TMX3: variants seen among roughly 807,000 people sequenced by gnomAD.
TMX3 encodes thioredoxin related transmembrane protein 3.
A neutral mutation model predicts 64.4 loss-of-function variants in TMX3; 40 were observed. That is an observed-to-expected ratio of 0.62 (90% CI 0.48 to 0.81). The LOEUF is 0.81. TMX3 is among the 30% of genes least tolerant of loss of function. TMX3 has a pLI of 0.00. For synonymous variants in TMX3, 189 were observed against 175.7 expected, an observed-to-expected ratio of 1.08 and a Z score of -0.60; for missense variants, 497 against 534.5, an observed-to-expected ratio of 0.93 and a Z score of 0.69.
At chr18:68,699,343 T>C (rs544858200) in intron 6 of TMX3, among the ~76,000 whole-genome samples, 26 of 152,230 alleles carry the variant, frequency 1.7e-4, no homozygotes, top group Non-Finnish European at 2.4e-4. Flanking sequence ...TAATGACTAA[T>C]ATAAATCCTG....
chr18:68,674,584 G>A lies in TMX3; in HGVS notation c.*2349C>T, dbSNP rs1339117554. ...ACTAGATTCACTTATTAAGAGATCTGTCTTTATATGGAAGTAATGTTTCAC... is the reference window on the plus strand; with the variant it reads ...ACTAGATTCACTTATTAAGAGATCTATCTTTATATGGAAGTAATGTTTCAC... On this transcript the variant is annotated 3_prime_UTR_variant, in exon 16 of 16. Transcript: ENST00000299608. The A allele has an allele frequency of 6.6e-6, 1 of 152,074 alleles. No individual in the cohort carries two copies. Among genetic ancestry groups the A allele is most frequent in the African/African-American group, 2.4e-5 (1 of 41,414 alleles). 9.4% of individuals were successfully genotyped at this position (152,074 alleles called of 1,614,324 possible). A position where few individuals can be genotyped will look rare whatever the true frequency, so the allele number is the denominator to read the frequency against.
At chr18:68,708,045 GTATATATA>G (rs59501873) in intron 4 of TMX3, among the ~76,000 whole-genome samples, 2 of 125,978 alleles carry the variant, frequency 1.6e-5, no homozygotes, top group African/African-American at 9.9e-5. Flanking sequence ...GTATATATGT[GTATATATA>G]TGTGTATATA....
chr18:68,698,022 A>C lies in TMX3; in HGVS notation c.402T>G (p.Ile134Met). 2 of 1,610,518 alleles carry C rather than the reference A, an allele frequency of 1.2e-6. No individual in the cohort carries two copies. The highest frequency in any genetic ancestry group is 8.5e-7 in the Non-Finnish European group (1 of 1,179,098). ...ACATTTGTTGACTTGGAAGTGGCCG[A>C]ATTAGAGCCCTGTTGCACAACAAAA... ...EFAHRVSGAL[I>M]RPLPSQQMFE... Residue 134 changes from isoleucine (I) to methionine (M), a missense_variant, in exon 7 of 16, where the codon ATT (isoleucine) becomes ATG (methionine). By Grantham distance (10) the Ile-to-Met change is conservative. Around this residue, in one of 3 missense-constraint regions of TMX3, gnomAD observed 360 missense variants for 383.5 expected, o/e 0.94. Transcript: ENST00000299608.
chr18:68,677,013 G>C lies in TMX3; in HGVS notation c.1285C>G (p.Gln429Glu). The change falls in exon 16 of 16, where the codon CAG becomes GAG. Residue 429 changes from glutamine (Q) to glutamate (E), a missense_variant. Physicochemically the swap from Gln to Glu is conservative, Grantham distance 29 (BLOSUM62 2). Transcript: ENST00000299608. Reference protein sequence around the residue: ...NQEQIEESKEQQEPSSGGSVV... With the variant: ...NQEQIEESKEEQEPSSGGSVV... ...GATCCTCCACTGCTGGGCTCCTGCT[G>C]TTCTTTGCTCTCTTCTATCTGTTCT... is the stretch of plus-strand genomic sequence containing the variant. The C allele has an allele frequency of 1.9e-6, 3 of 1,613,778 alleles. No individual in the cohort carries two copies. The highest frequency in any genetic ancestry group is 2.5e-6 in the Non-Finnish European group (3 of 1,179,822).
intron 12 of TMX3, among the ~76,000 whole-genome samples, chr18:68,683,778 T>G (rs1913675898): frequency 6.6e-6 from 1 of 152,166 alleles, no homozygotes; most frequent in Admixed American, 6.5e-5. Context: ...AGATTCACTT[T>G]CTGTGGTTTC....
intron 4 of TMX3, among the ~76,000 whole-genome samples, chr18:68,709,031 T>C (rs142509343): frequency 6.6e-6 from 1 of 152,256 alleles, no homozygotes; most frequent in East Asian, 1.9e-4. Flanking sequence ...ATTACGTACT[T>C]CCACTTTCTT....
intron 10 of TMX3, among the ~76,000 whole-genome samples, 155 bp from the exon 11 acceptor site, chr18:68,684,640 GTA>G (rs1190180903): frequency 1.3e-5 from 2 of 152,050 alleles, no homozygotes; most frequent in Non-Finnish European, 2.9e-5. Context: ...ACACATTACG[GTA>G]TATGTTTGTA....
intron 15 of TMX3, 85 bp from the exon 16 acceptor site, chr18:68,677,278 T>C: frequency 2.1e-6 from 3 of 1,425,154 alleles, no homozygotes; most frequent in Non-Finnish European, 2.8e-6. Context: ...CCACTATAGA[T>C]TTCTCTTGTT....
intron 10 of TMX3, among the ~76,000 whole-genome samples, chr18:68,686,079 T>G (rs929541999): frequency 1.3e-5 from 2 of 151,660 alleles, no homozygotes; most frequent in Non-Finnish European, 2.9e-5. Flanking sequence ...AGGCTGGAGG[T>G]GTAGGCAAGA....
chr18:68,707,208 T>TC (rs2030760027), intron 4 of TMX3, among the ~76,000 whole-genome samples: 1 of 151,650 alleles, frequency 6.6e-6, no homozygotes, highest in African/African-American at 2.4e-5. Flanking sequence ...TTTTTTTTTT[T>TC]CAATTAACTA....
chr18:68,713,829 T>C lies in TMX3; in HGVS notation c.101+17A>G, dbSNP rs1430808025. On this transcript the variant is annotated intron_variant, in intron 2 of 15. Coordinates refer to ENST00000299608, the MANE Select transcript of TMX3 (RefSeq NM_019022.5). ...GACAGTTAAAATAATATTTTAAATATATATATGTATACTCACGATTCATCT... is the reference window on the plus strand; with the variant it reads ...GACAGTTAAAATAATATTTTAAATACATATATGTATACTCACGATTCATCT... The C allele has an allele frequency of 8.7e-6, 11 of 1,269,522 alleles. No individual in the cohort carries two copies. The highest frequency in any genetic ancestry group is 1.2e-5 in the Non-Finnish European group (11 of 923,122). The allele number at this position is 1,269,522 out of a possible 1,614,324, so 78.6% of individuals were successfully genotyped here.
At chr18:68,681,337 A>T in intron 13 of TMX3, 1 of 603,722 alleles carries the variant, frequency 1.7e-6, no homozygotes, top group Non-Finnish European at 2.2e-6. Flanking sequence ...ATTCATCTTT[A>T]AGTCTTTTCA....
rs1393677772 is a variant in TMX3 at position 68,674,178 on chromosome 18, A to C, written c.*2755T>G. ...ACTTGGCATTTAAATGTTATTTCTAAATCAGATACCAGGAAGCAACTATGT... is the reference window on the plus strand; with the variant it reads ...ACTTGGCATTTAAATGTTATTTCTACATCAGATACCAGGAAGCAACTATGT... On this transcript the variant is annotated 3_prime_UTR_variant, in exon 16 of 16. Transcript: ENST00000299608. The C allele has an allele frequency of 6.6e-6, 1 of 152,186 alleles. No individual in the cohort carries two copies. Among genetic ancestry groups the C allele is most frequent in the East Asian group, 1.9e-4 (1 of 5,206 alleles). The allele number at this position is 152,186 out of a possible 1,614,324, so 9.4% of individuals were successfully genotyped here. A position where few individuals can be genotyped will look rare whatever the true frequency, so the allele number is the denominator to read the frequency against.
chr18:68,682,656 G>C (rs374082329), intron 13 of TMX3, among the ~76,000 whole-genome samples: 1 of 151,234 alleles, frequency 6.6e-6, no homozygotes, highest in Non-Finnish European at 1.5e-5. Context: ...AAATTTACAC[G>C]TTTTGGAATA....
chr18:68,698,884 T>TGGTAGCAGGCGC (rs1555688723), intron 6 of TMX3, among the ~76,000 whole-genome samples: 22 of 149,568 alleles, frequency 1.5e-4, no homozygotes, highest in Admixed American at 3.3e-4. Context: ...TAGCCGGGCG[T>TGGTAGCAGGCGC]GGTAGCGGGC....
In TMX3 at chr18:68,687,760, C is replaced by T. The variant is rs1213616135; in HGVS notation, c.643G>A (p.Glu215Lys). Residue 215 changes from glutamate to lysine, a missense_variant, in exon 10 of 16, where the codon GAA becomes AAA. Transcript: ENST00000299608. ...DETYFVYDEYEDGDLSSWINR... is the reference protein window; with the variant it reads ...DETYFVYDEYKDGDLSSWINR... ...ATCCATGATGACAGATCACCATCTT[C>T]ATACTCTTAAAACCAAGACAAAGTT... 6.2e-7 allele frequency: 1 copy of T among 1,608,620 alleles called. No homozygotes were observed. Among genetic ancestry groups the T allele is most frequent in the Admixed American group, 1.7e-5 (1 of 58,578 alleles).
chr18:68,712,273 T>C (rs1424424608), intron 2 of TMX3, among the ~76,000 whole-genome samples: 3 of 152,192 alleles, frequency 2.0e-5, no homozygotes, highest in African/African-American at 7.2e-5. Flanking sequence ...CCATGTTCTA[T>C]CTGCTGAGAA....
intron 8 of TMX3, 129 bp from the exon 9 acceptor site, chr18:68,691,490 A>G: frequency 1.7e-6 from 1 of 573,604 alleles, no homozygotes; most frequent in Non-Finnish European, 3.0e-6. Context: ...AATGTCACAA[A>G]CAGTTAAAGA....
chr18:68,684,707 C>A (rs1374242506), intron 10 of TMX3, among the ~76,000 whole-genome samples: 1 of 152,116 alleles, frequency 6.6e-6, no homozygotes, highest in African/African-American at 2.4e-5. Context: ...CACGTCCCAC[C>A]CCAAAATATA....
Sources: gnomAD v4.1 joint callset for allele counts (sites outside exome capture counted in the v4.1 genomes callset) on GRCh38, gnomAD v4.1.1 for gene constraint, gnomAD v4.1.1 regional missense constraint, MANE v1.5 for transcripts, NCBI Gene and HGNC (gene_info 2026-07-23, HGNC 2026-07-21) for gene names.